The following GRAMD1B variants were observed in gnomAD, a reference collection of about 807,000 sequenced individuals.
The protein encoded by GRAMD1B is GRAM domain containing 1B.
Under a neutral mutation model 99.7 loss-of-function variants are expected in GRAMD1B, and 37 were observed. That is an observed-to-expected ratio of 0.37 (90% CI 0.29 to 0.49). The LOEUF is 0.49. Ranked by LOEUF, GRAMD1B falls within the 20% of genes least tolerant of loss-of-function variation. The probability of loss-of-function intolerance (pLI) is 0.98; values close to 1 mark genes in which losing one functional copy is unlikely to be tolerated. For missense variants in GRAMD1B, 888 were observed against 1,009.2 expected, an observed-to-expected ratio of 0.88 and a Z score of 1.63; for synonymous variants, 427 against 387.6, an observed-to-expected ratio of 1.10 and a Z score of -1.19.
chr11:123,400,242 C>A (rs1022992939), intron 1 of GRAMD1B, among the ~76,000 whole-genome samples: 2 of 151,938 alleles, frequency 1.3e-5, no homozygotes, highest in African/African-American at 4.8e-5. Context: ...TTTGGGAGGC[C>A]GAGGCAGGCA....
In GRAMD1B at chr11:123,388,797, G is replaced by A. The variant is rs544243916; in HGVS notation, c.-176+29998G>A. On this transcript the variant is annotated intron_variant, in intron 1 of 20. Coordinates refer to the GRAMD1B transcript ENST00000638157. ...GTCATCAGCCTGCAACCTGCAAGAG[G>A]GCCCTGCTAGAACCCAGCCATGCTG... 1.2e-4 allele frequency among the ~76,000 whole-genome samples: 18 copies of A among 152,242 alleles called. 1 individual carries two copies. In the South Asian group the frequency reaches 3.7e-3, roughly 32 times the overall value.
intron 7 of GRAMD1B, chr11:123,599,506 T>C: frequency 1.8e-6 from 1 of 560,480 alleles, no homozygotes; most frequent in Non-Finnish European, 3.4e-6. Flanking sequence ...GCAGTCTCAC[T>C]CTGTCACCCA....
intron 1 of GRAMD1B, among the ~76,000 whole-genome samples, chr11:123,457,695 C>A (rs1039623825): frequency 3.9e-5 from 6 of 152,188 alleles, no homozygotes; most frequent in African/African-American, 1.4e-4. Flanking sequence ...GTGCTCCGTG[C>A]TCTATTTTCC....
chr11:123,613,652 G>C lies in GRAMD1B; in HGVS notation c.2221G>C (p.Val741Leu). ...GGATGTGGGCCACAGGATCAAACATGTGGCAGGTGTGTGCCAGGTGGGGAC... is the reference window on the plus strand; with the variant it reads ...GGATGTGGGCCACAGGATCAAACATCTGGCAGGTGTGTGCCAGGTGGGGAC... ...DEDVGHRIKH[V>L]AGSTQTRHIP... The change falls in exon 16 of 20, where the codon GTG (valine) becomes CTG (leucine). Residue 741 changes from valine to leucine, a missense_variant. Physicochemically the swap from Val to Leu is conservative, Grantham distance 32. Transcript: ENST00000635736. 1 of 1,612,748 alleles carries C rather than the reference G, an allele frequency of 6.2e-7. No homozygotes were observed. The highest frequency in any genetic ancestry group is 8.5e-7 in the Non-Finnish European group (1 of 1,179,498).
chr11:123,549,956 T>C (rs1298437594), intron 2 of GRAMD1B, among the ~76,000 whole-genome samples: 2 of 152,104 alleles, frequency 1.3e-5, no homozygotes, highest in African/African-American at 4.8e-5. Context: ...AAGATGTCCA[T>C]AGATGTGAAT....
intron 2 of GRAMD1B, among the ~76,000 whole-genome samples, chr11:123,486,519 G>C (rs1275297970): frequency 2.0e-5 from 3 of 147,666 alleles, no homozygotes; most frequent in African/African-American, 7.6e-5. Context: ...CTGCAGTCCA[G>C]CCTGGGTGAC....
At chr11:123,552,892 A>G (rs1945766315) in intron 2 of GRAMD1B, among the ~76,000 whole-genome samples, 1 of 152,248 alleles carries the variant, frequency 6.6e-6, no homozygotes, top group African/African-American at 2.4e-5. Flanking sequence ...AAATTATTAA[A>G]CAAGAGGAAG....
chr11:123,435,376 ATTAT>A (rs1949112471), intron 1 of GRAMD1B: 2 of 694,302 alleles, frequency 2.9e-6, no homozygotes, highest in Middle Eastern at 2.3e-4. Flanking sequence ...TTGTTTTTTC[ATTAT>A]TTGTTTCATT....
At chr11:123,502,774 CAAAAAAA>C (rs34321315) in intron 2 of GRAMD1B, among the ~76,000 whole-genome samples, 2 of 98,526 alleles carry the variant, frequency 2.0e-5, no homozygotes, top group African/African-American at 7.8e-5. Flanking sequence ...GACTCCATCT[CAAAAAAA>C]AAAAAAAAAA....
intron 2 of GRAMD1B, among the ~76,000 whole-genome samples, chr11:123,534,706 T>C (rs1161114150): frequency 6.6e-6 from 1 of 150,576 alleles, no homozygotes; most frequent in Non-Finnish European, 1.5e-5. Flanking sequence ...CTACTAAAAA[T>C]AAAAAAAAAT....
chr11:123,375,036 C>G (rs562828367), intron 1 of GRAMD1B, among the ~76,000 whole-genome samples: 2 of 152,234 alleles, frequency 1.3e-5, no homozygotes, highest in East Asian at 3.9e-4. Context: ...TTTATTGAAA[C>G]TTTTACTATG....
chr11:123,415,103 T>A, intron 1 of GRAMD1B, among the ~76,000 whole-genome samples: 2 of 129,906 alleles, frequency 1.5e-5, no homozygotes, highest in South Asian at 2.8e-4. Context: ...TTCTTTTTTT[T>A]TTTTTTTTTT....
In GRAMD1B at chr11:123,625,973, A is replaced by AGAGAGAGAGAGAGC. The variant is rs34697633; in HGVS notation, c.*3386_*3387insGAGAGCGAGAGAGA. ...GAGAGAGAGAGAGAGAGAGAGAGAG[A>AGAGAGAGAGAGAGC]GAGAGAGATCGAGCTTGATGTATTG... On this transcript the variant is annotated 3_prime_UTR_variant, in exon 20 of 20. Coordinates refer to ENST00000635736, the MANE Select transcript of GRAMD1B (RefSeq NM_001387025.1). 24 of 139,740 alleles carry AGAGAGAGAGAGAGC rather than the reference A, an allele frequency of 1.7e-4. No individual in the cohort carries two copies. Among genetic ancestry groups the AGAGAGAGAGAGAGC allele is most frequent in the South Asian group, 7.8e-4 (3 of 3,852 alleles). The allele number at this position is 139,740 out of a possible 1,614,324, so 8.7% of individuals were successfully genotyped here.
chr11:123,576,276 G>A (rs1948700553), intron 2 of GRAMD1B, among the ~76,000 whole-genome samples: 2 of 152,208 alleles, frequency 1.3e-5, no homozygotes, highest in Non-Finnish European at 2.9e-5. Flanking sequence ...GGGGGTCCAG[G>A]GTGTTCCTGA....
At chr11:123,414,292 G>A (rs1198293541) in intron 1 of GRAMD1B, among the ~76,000 whole-genome samples, 9 of 152,170 alleles carry the variant, frequency 5.9e-5, no homozygotes, top group South Asian at 2.1e-4. Flanking sequence ...TGATCCACCC[G>A]CTTTGGCCTC....
chr11:123,530,569 C>T lies in GRAMD1B; in HGVS notation c.453-46798C>T, dbSNP rs535237382. Among the ~76,000 whole-genome samples the T allele has an allele frequency of 3.9e-5, 6 of 152,204 alleles. No homozygotes were observed. In the South Asian group the frequency reaches 6.2e-4, roughly 16 times the overall value. On this transcript the variant is annotated intron_variant, in intron 2 of 19. Transcript: ENST00000635736. Reference sequence around the variant, plus strand: ...CTAATTTTTGTGTTTTTAGTAGAGACGGGGTTTCACCATGTTGGCCAGGCT... The same window carrying T: ...CTAATTTTTGTGTTTTTAGTAGAGATGGGGTTTCACCATGTTGGCCAGGCT...
chr11:123,583,942 G>A (rs539640480), intron 3 of GRAMD1B, among the ~76,000 whole-genome samples: 84 of 152,196 alleles, frequency 5.5e-4, no homozygotes, highest in Non-Finnish European at 1.1e-3. Flanking sequence ...TGGGTTGGCC[G>A]CCATCAGCAT....
intron 2 of GRAMD1B, among the ~76,000 whole-genome samples, chr11:123,505,731 C>G (rs1262602521): frequency 6.6e-6 from 1 of 152,114 alleles, no homozygotes. Context: ...TCAGCTGCCT[C>G]TAGAAGTTGA....
chr11:123,455,555 A>G (rs948536535), intron 1 of GRAMD1B, among the ~76,000 whole-genome samples: 1 of 152,158 alleles, frequency 6.6e-6, no homozygotes, highest in African/African-American at 2.4e-5. Flanking sequence ...TGCGCTCACC[A>G]TGCAATACGG....
Sources: allele counts gnomAD v4.1 joint callset (sites outside exome capture counted in the v4.1 genomes callset), GRCh38; gene constraint gnomAD v4.1.1; transcripts MANE v1.5; gene names NCBI Gene and HGNC (gene_info 2026-07-23, HGNC 2026-07-21).